Variants in ATP10B observed in about 807,000 individuals in gnomAD.
The protein encoded by ATP10B is ATPase phospholipid transporting 10B (putative), also known as phospholipid-transporting ATPase VB.
A neutral mutation model predicts 141.2 loss-of-function variants in ATP10B; 122 were observed. The observed-to-expected ratio is 0.86, with a 90% confidence interval of 0.75 to 1.00. The LOEUF (loss-of-function observed/expected upper bound fraction) is 1.00, where lower values mean the gene tolerates loss of function less well. Ranked by LOEUF, ATP10B falls within the 50% of genes least tolerant of loss-of-function variation. The probability of loss-of-function intolerance (pLI) is 0.00; values close to 1 mark genes in which losing one functional copy is unlikely to be tolerated. For missense variants in ATP10B, 1,876 were observed against 1,825.3 expected, an observed-to-expected ratio of 1.03 and a Z score of -0.51; for synonymous variants, 685 against 692.0, an observed-to-expected ratio of 0.99 and a Z score of 0.16.
At chr5:160,824,590 A>G (rs991124504) in intron 1 of ATP10B, among the ~76,000 whole-genome samples, 1 of 152,272 alleles carries the variant, frequency 6.6e-6, no homozygotes, top group East Asian at 1.9e-4. Flanking sequence ...AGCCTACTAC[A>G]CACCTAGGGT....
the ATP10B span, among the ~76,000 whole-genome samples, chr5:160,864,768 C>T: frequency 1.3e-5 from 2 of 151,930 alleles, no homozygotes; most frequent in Non-Finnish European, 2.9e-5. Flanking sequence ...AACTGCTGTA[C>T]ATCAACAACA....
chr5:160,572,219 G>A (rs143952264), intron 24 of ATP10B, among the ~76,000 whole-genome samples: 1 of 151,284 alleles, frequency 6.6e-6, no homozygotes. Flanking sequence ...AAGTTATCCA[G>A]TATTTTTTGT....
chr5:160,744,107 T>C lies in ATP10B; in HGVS notation c.-330-27073A>G, dbSNP rs936636698. ...AAAACAAAGCTCAAGAGAGGTTTAA[T>C]TTATTATTTACACTGTCAGCCTCAG... On this transcript the variant is annotated intron_variant, in intron 2 of 25. Transcript: ENST00000327245. Among the ~76,000 whole-genome samples, 4 of 152,210 alleles carry C rather than the reference T, an allele frequency of 2.6e-5. No individual in the cohort carries two copies. The East Asian group carries it at 7.7e-4, about 29-fold the overall frequency.
intron 2 of ATP10B, among the ~76,000 whole-genome samples, chr5:160,736,548 G>A (rs1767123500): frequency 6.6e-6 from 1 of 152,172 alleles, no homozygotes; most frequent in African/African-American, 2.4e-5. Context: ...AGGATCATGA[G>A]GTCAGGAGTT....
At chr5:160,766,937 A>G (rs1467270764) in intron 2 of ATP10B, among the ~76,000 whole-genome samples, 2 of 152,182 alleles carry the variant, frequency 1.3e-5, no homozygotes, top group Non-Finnish European at 2.9e-5. Flanking sequence ...GCAGTTTGAC[A>G]CCTGCTCCTA....
chr5:160,761,020 C>G (rs1340697573), intron 2 of ATP10B, among the ~76,000 whole-genome samples: 2 of 152,144 alleles, frequency 1.3e-5, no homozygotes, highest in East Asian at 3.8e-4. Context: ...CTCATCCTGG[C>G]CAGCGTAGGG....
intron 1 of ATP10B, among the ~76,000 whole-genome samples, chr5:160,829,064 G>C (rs1774861352): frequency 8.9e-6 from 1 of 112,010 alleles, no homozygotes; most frequent in Non-Finnish European, 1.8e-5. Context: ...TTGTGGGGTG[G>C]GGGGAGGGGG....
chr5:160,653,638 ACATATATATTATATATACATATATAC>A (rs1761152284), intron 7 of ATP10B, among the ~76,000 whole-genome samples: 2 of 83,054 alleles, frequency 2.4e-5, no homozygotes, highest in African/African-American at 9.7e-5. Context: ...ATACATATAT[ACATATATATTATATATACATATATAC>A]ATATATATTA....
intron 22 of ATP10B, among the ~76,000 whole-genome samples, chr5:160,597,716 C>G (rs1756807391): frequency 1.3e-5 from 2 of 151,942 alleles, no homozygotes; most frequent in South Asian, 4.2e-4. Context: ...ATAAACAACC[C>G]CATCAAAAAG....
At position 160,563,367 on chromosome 5, in the gene ATP10B, T is replaced by C. The variant is rs1002775389; in HGVS notation, c.*2086A>G. 9.2e-5 allele frequency: 14 copies of C among 152,162 alleles called. No individual in the cohort carries two copies. Among genetic ancestry groups the C allele is most frequent in the African/African-American group, 3.4e-4 (14 of 41,434 alleles). The allele number at this position is 152,162 out of a possible 1,614,324, so 9.4% of individuals were successfully genotyped here. On this transcript the variant is annotated 3_prime_UTR_variant, in exon 26 of 26. Transcript: ENST00000327245. Reference sequence around the variant, plus strand: ...TCCAGTTTCCTAGGATTTGGGACTCTGTAAAAATGAGAAAGTCCCAGGCAA... The same window carrying C: ...TCCAGTTTCCTAGGATTTGGGACTCCGTAAAAATGAGAAAGTCCCAGGCAA...
At chr5:160,587,796 C>A (rs1021576574) in intron 24 of ATP10B, among the ~76,000 whole-genome samples, 10 of 152,184 alleles carry the variant, frequency 6.6e-5, no homozygotes, top group Admixed American at 5.9e-4. Flanking sequence ...TAAGACTTTG[C>A]TGAAGTTGCT....
chr5:160,841,784 G>A (rs1008583189), intron 1 of ATP10B, among the ~76,000 whole-genome samples: 3 of 152,194 alleles, frequency 2.0e-5, no homozygotes, highest in Non-Finnish European at 4.4e-5. Flanking sequence ...GAGTGCAGTG[G>A]CAAGCTCTCA....
chr5:160,755,333 C>T (rs551757807), intron 2 of ATP10B, among the ~76,000 whole-genome samples: 15 of 152,244 alleles, frequency 9.9e-5, no homozygotes, highest in South Asian at 2.1e-4. Flanking sequence ...CCCTCCAATT[C>T]GGCATGAGAT....
intron 21 of ATP10B, among the ~76,000 whole-genome samples, chr5:160,601,528 G>T (rs149339168): frequency 0.016 from 2,370 of 152,260 alleles, 27 homozygotes; most frequent in Middle Eastern, 0.075. Context: ...GCTTTTCAAA[G>T]AAGAGTCTTC....
intron 1 of ATP10B, among the ~76,000 whole-genome samples, chr5:160,815,195 T>C (rs1463977133): frequency 6.6e-6 from 1 of 152,050 alleles, no homozygotes; most frequent in African/African-American, 2.4e-5. Context: ...GACTGGCAAA[T>C]TGGATAAAGA....
intron 23 of ATP10B, among the ~76,000 whole-genome samples, chr5:160,590,234 T>C (rs111670005): frequency 2.0e-5 from 3 of 152,024 alleles, no homozygotes; most frequent in African/African-American, 7.2e-5. Context: ...GAGTCCTACA[T>C]TGTAGGTCTG....
chr5:160,699,890 G>C (rs1764579974), intron 3 of ATP10B, among the ~76,000 whole-genome samples: 1 of 152,030 alleles, frequency 6.6e-6, no homozygotes, highest in Admixed American at 6.6e-5. Context: ...TTAGAAATAT[G>C]TAAAATATTA....
chr5:160,897,667 T>C, the ATP10B span, among the ~76,000 whole-genome samples: 1 of 152,178 alleles, frequency 6.6e-6, no homozygotes, highest in South Asian at 2.1e-4. Context: ...ATTGACTTCT[T>C]TCACAGAATT....
At chr5:160,892,446 T>G in the ATP10B span, among the ~76,000 whole-genome samples, 8 of 152,366 alleles carry the variant, frequency 5.3e-5, no homozygotes, top group African/African-American at 1.9e-4. Flanking sequence ...CCATTCCTTA[T>G]GCTTTACATT....
Sources: allele counts gnomAD v4.1 joint callset (sites outside exome capture counted in the v4.1 genomes callset), GRCh38; gene constraint gnomAD v4.1.1; transcripts MANE v1.5; gene names NCBI Gene and HGNC (gene_info 2026-07-23, HGNC 2026-07-21).